Variants in CTNNA3 observed in about 807,000 individuals in gnomAD.
CTNNA3 encodes catenin alpha 3.
Under a neutral mutation model 95.7 loss-of-function variants are expected in CTNNA3, and 76 were observed. The observed-to-expected ratio is 0.79, with a 90% CI of 0.66 to 0.96. The LOEUF (loss-of-function observed/expected upper bound fraction) is 0.96. Among genes scored for constraint, CTNNA3 ranks in the 40% least tolerant of loss-of-function variants. CTNNA3 has a pLI of 0.00. For missense variants in CTNNA3, 1,191 were observed against 1,089.8 expected (o/e 1.09, Z -1.31); for synonymous variants, 431 against 374.4 (o/e 1.15, Z -1.74).
At chr10:65,939,233 G>T (rs904093500) in intron 17 of CTNNA3, among the ~76,000 whole-genome samples, 1 of 152,080 alleles carries the variant, frequency 6.6e-6, no homozygotes, top group Non-Finnish European at 1.5e-5. Context: ...TGTAAATTGA[G>T]ACTAAATATT....
At chr10:66,564,575 C>T (rs1347673216) in intron 10 of CTNNA3, among the ~76,000 whole-genome samples, 3 of 152,126 alleles carry the variant, frequency 2.0e-5, no homozygotes, top group African/African-American at 7.2e-5. Context: ...TTAAGTGAGT[C>T]GACAAGTGAG....
At chr10:66,812,769 T>C (rs78346053) in intron 7 of CTNNA3, among the ~76,000 whole-genome samples, 27,678 of 152,022 alleles carry the variant, frequency 0.18, 3,020 homozygotes, top group Non-Finnish European at 0.24. Context: ...TCACTAACAA[T>C]GGTTTGCATG....
At chr10:66,678,305 C>CAGGA (rs1846938466) in intron 9 of CTNNA3, among the ~76,000 whole-genome samples, 1 of 152,152 alleles carries the variant, frequency 6.6e-6, no homozygotes, top group South Asian at 2.1e-4. Flanking sequence ...AAAGCCTTTA[C>CAGGA]TAGCCTTTCC....
At chr10:67,122,757 C>G (rs1352143314) in intron 7 of CTNNA3, among the ~76,000 whole-genome samples, 2 of 151,976 alleles carry the variant, frequency 1.3e-5, no homozygotes, top group African/African-American at 4.8e-5. Context: ...TTAATACTCC[C>G]TTGCCTGAAA....
intron 2 of CTNNA3, among the ~76,000 whole-genome samples, chr10:67,612,671 A>C (rs1260160947): frequency 6.6e-6 from 1 of 152,164 alleles, no homozygotes; most frequent in Non-Finnish European, 1.5e-5. Context: ...AGCATGCCCA[A>C]AGTAGAGAAG....
intron 12 of CTNNA3, among the ~76,000 whole-genome samples, chr10:66,304,458 A>G (rs941313695): frequency 6.6e-6 from 1 of 152,202 alleles, no homozygotes; most frequent in African/African-American, 2.4e-5. Context: ...AGCTTTGTAC[A>G]TAACAGAAGA....
intron 5 of CTNNA3, among the ~76,000 whole-genome samples, chr10:67,514,315 T>C (rs112649800): frequency 0.022 from 3,317 of 152,138 alleles, 152 homozygotes; most frequent in African/African-American, 0.075. Context: ...AAAAATAAAA[T>C]AAAATAAAAC....
chr10:66,622,457 T>A (rs1390445569), intron 9 of CTNNA3, among the ~76,000 whole-genome samples: 1 of 152,148 alleles, frequency 6.6e-6, no homozygotes, highest in Admixed American at 6.5e-5. Flanking sequence ...ATTATGTCCA[T>A]GACCTAAATC....
At chr10:66,529,181 T>A (rs1257073933) in intron 10 of CTNNA3, among the ~76,000 whole-genome samples, 1 of 152,150 alleles carries the variant, frequency 6.6e-6, no homozygotes, top group Non-Finnish European at 1.5e-5. Flanking sequence ...CAGACTAGAA[T>A]GCAATGGTGC....
chr10:66,954,065 A>G (rs533354198), intron 7 of CTNNA3, among the ~76,000 whole-genome samples: 1 of 152,340 alleles, frequency 6.6e-6, no homozygotes, highest in South Asian at 2.1e-4. Context: ...TGTACATCAT[A>G]ATTCCTAACT....
At chr10:67,129,701 T>C (rs1187342328) in intron 7 of CTNNA3, among the ~76,000 whole-genome samples, 5 of 152,168 alleles carry the variant, frequency 3.3e-5, no homozygotes, top group Non-Finnish European at 2.9e-5. Context: ...ATGCCCTGTA[T>C]GAAAACACAA....
chr10:67,274,311 C>T (rs1390539276), intron 5 of CTNNA3, among the ~76,000 whole-genome samples: 1 of 151,806 alleles, frequency 6.6e-6, no homozygotes, highest in African/African-American at 2.4e-5. Context: ...GTTTTTATAC[C>T]AGACCAAAAA....
In CTNNA3 at chr10:66,095,282, T is replaced by A. The variant is rs535853874; in HGVS notation, c.1977+7875A>T. Among the ~76,000 whole-genome samples, 7 of 152,084 alleles carry A rather than the reference T, an allele frequency of 4.6e-5. No individual in the cohort carries two copies. In the East Asian group the frequency reaches 9.7e-4, roughly 21 times the overall value. ...AAATAGATAGAGGAAAAGGAAACCA[T>A]GAAAAATATGAAAAAGATCACCCAG... On this transcript the variant is annotated intron_variant, in intron 14 of 17. Transcript: ENST00000433211.
At chr10:67,239,658 C>T (rs868344925) in intron 5 of CTNNA3, among the ~76,000 whole-genome samples, 43 of 152,150 alleles carry the variant, frequency 2.8e-4, no homozygotes, top group Middle Eastern at 3.4e-3. Flanking sequence ...ATTAAAAAAG[C>T]TTCACATAAA....
chr10:67,224,791 G>A (rs1408383044), intron 5 of CTNNA3, among the ~76,000 whole-genome samples: 1 of 152,212 alleles, frequency 6.6e-6, no homozygotes, highest in African/African-American at 2.4e-5. Context: ...GAGAAGCAGG[G>A]GTTGGGGGAG....
At chr10:67,730,537 G>C (rs184137187) in intron 1 of CTNNA3, among the ~76,000 whole-genome samples, 4 of 152,150 alleles carry the variant, frequency 2.6e-5, no homozygotes, top group Non-Finnish European at 5.9e-5. Context: ...AGGAAGACAT[G>C]ATCCAAGAAA....
chr10:65,917,800 A>G lies in CTNNA3; in HGVS notation c.*2530T>C, dbSNP rs1184511589. The G allele has an allele frequency of 1.4e-5, 1 of 72,562 alleles. No individual in the cohort carries two copies. Among genetic ancestry groups the G allele is most frequent in the Non-Finnish European group, 3.4e-5 (1 of 29,828 alleles). The allele number at this position is 72,562 out of a possible 1,614,324, so 4.5% of individuals were successfully genotyped here. ...TAAATATAAATGTGTCATGCTGATTAGTTTTTAACATAATGGGGAGATTTA... is the reference window on the plus strand; with the variant it reads ...TAAATATAAATGTGTCATGCTGATTGGTTTTTAACATAATGGGGAGATTTA... On this transcript the variant is annotated 3_prime_UTR_variant, in exon 18 of 18. Transcript: ENST00000433211.
Position 67,180,392 on chromosome 10 carries a change from G to A in CTNNA3, c.972C>T (p.His324=). The change falls in exon 7 of 18, where the codon CAC becomes CAT. Residue 324 remains histidine (H), a synonymous_variant. Transcript: ENST00000433211. ...LADSSCTRDL[H]RERIIAECNA... ...TGCATTCTGCGATAATCCGCTCTCG[G>A]TGTAAGTCCCTCGTACATGAAGAAT... 3.1e-6 allele frequency: 5 copies of A among 1,613,830 alleles called. No individual in the cohort carries two copies. The highest frequency in any genetic ancestry group is 4.2e-6 in the Non-Finnish European group (5 of 1,179,904).
At chr10:66,668,402 A>T (rs1325080504) in intron 9 of CTNNA3, among the ~76,000 whole-genome samples, 1 of 147,422 alleles carries the variant, frequency 6.8e-6, no homozygotes, top group Admixed American at 6.8e-5. Flanking sequence ...GGTTCCTAAA[A>T]CTTTTTTCTC....
Sources: gnomAD v4.1 joint callset for allele counts (sites outside exome capture counted in the v4.1 genomes callset) on GRCh38, gnomAD v4.1.1 for gene constraint, MANE v1.5 for transcripts, NCBI Gene and HGNC (gene_info 2026-07-23, HGNC 2026-07-21) for gene names.